MYO9A: variants seen among roughly 807,000 people sequenced by gnomAD.
MYO9A encodes the protein unconventional myosin-IXa.
In MYO9A, 103 loss-of-function variants were observed where a neutral mutation model predicts 293.3. That is an observed-to-expected ratio of 0.35 (90% CI 0.30 to 0.41). MYO9A has a LOEUF of 0.41. MYO9A is among the 10% of genes least tolerant of loss of function. The pLI is 1.00. For synonymous variants in MYO9A, 1,001 were observed against 1,035.7 expected (o/e 0.97, Z 0.64); for missense variants, 2,685 against 3,033.0 (o/e 0.89, Z 2.69).
intron 17 of MYO9A, 182 bp downstream of exon 17, chr15:71,935,159 T>C: frequency 1.7e-6 from 1 of 595,206 alleles, no homozygotes; most frequent in East Asian, 2.9e-5. Flanking sequence ...ACAAGCTTTA[T>C]AACACATGAG....
intron 18 of MYO9A, among the ~76,000 whole-genome samples, chr15:71,922,311 T>C (rs1174509587): frequency 3.3e-5 from 5 of 152,334 alleles, no homozygotes; most frequent in African/African-American, 4.8e-5. Flanking sequence ...TAGGTCACTG[T>C]ATATTTTTGG....
chr15:71,978,786 T>TC (rs992693804), intron 11 of MYO9A, among the ~76,000 whole-genome samples: 1 of 151,746 alleles, frequency 6.6e-6, no homozygotes, highest in African/African-American at 2.4e-5. Context: ...ACTTTTTTTT[T>TC]TTTTAAAGAA....
intron 6 of MYO9A, among the ~76,000 whole-genome samples, 175 bp from the exon 7 acceptor site, chr15:72,010,622 G>T (rs2077144937): frequency 6.6e-6 from 1 of 152,108 alleles, no homozygotes; most frequent in South Asian, 2.1e-4. Context: ...CTACAGGTAT[G>T]GAAACTAAAC....
intron 32 of MYO9A, among the ~76,000 whole-genome samples, chr15:71,863,970 G>A (rs997781811): frequency 7.2e-5 from 11 of 152,084 alleles, no homozygotes; most frequent in African/African-American, 2.7e-4. Context: ...AAAATCTATT[G>A]TTTTGGACTT....
At chr15:72,085,087 C>G (rs2079673223) in intron 1 of MYO9A, among the ~76,000 whole-genome samples, 2 of 152,104 alleles carry the variant, frequency 1.3e-5, no homozygotes, top group Admixed American at 1.3e-4. Flanking sequence ...TCAGCTTGAC[C>G]TATTCTGCTA....
Position 72,063,592 on chromosome 15 carries a change from GAATAGAC to G in MYO9A, c.-71-16965_-71-16959del, listed in dbSNP as rs1351536277. ...TGATTTTAAAATGGGCAAAAGACTG[GAATAGAC>G]AATGAGATATTATCTTATCACAGTT... is the stretch of plus-strand genomic sequence containing the variant. On this transcript the variant is annotated intron_variant, in intron 1 of 41. Transcript: ENST00000356056. 2.6e-5 allele frequency among the ~76,000 whole-genome samples: 4 copies of G among 152,028 alleles called. No homozygotes were observed. In the East Asian group the frequency reaches 5.8e-4, roughly 22 times the overall value.
At chr15:71,903,315 T>C (rs2057537869) in intron 21 of MYO9A, among the ~76,000 whole-genome samples, 1 of 152,088 alleles carries the variant, frequency 6.6e-6, no homozygotes, top group South Asian at 2.1e-4. Flanking sequence ...TTATCCCTTT[T>C]GAGAAAGCTT....
At position 71,845,865 on chromosome 15, in the gene MYO9A, T is replaced by C. The variant is rs560983803; in HGVS notation, c.6837+2980A>G. Among the ~76,000 whole-genome samples the C allele has an allele frequency of 2.6e-5, 4 of 152,344 alleles. No individual in the cohort carries two copies. The East Asian group carries it at 5.8e-4, about 22-fold the overall frequency. ...AAGAGTATTAGTGCAATTCTTTGAATTGCAAGCCAAATTAGCTGCTTTATT... is the reference window on the plus strand; with the variant it reads ...AAGAGTATTAGTGCAATTCTTTGAACTGCAAGCCAAATTAGCTGCTTTATT... On this transcript the variant is annotated intron_variant, in intron 39 of 41. Transcript: ENST00000356056.
chr15:72,020,885 C>A, intron 5 of MYO9A, 33 bp downstream of exon 5: 2 of 1,334,782 alleles, frequency 1.5e-6, no homozygotes, highest in Admixed American at 2.8e-5. Context: ...TAATACTGCC[C>A]TATACTTCAA....
chr15:71,945,377 G>T (rs995837743), intron 15 of MYO9A, among the ~76,000 whole-genome samples: 18 of 152,258 alleles, frequency 1.2e-4, no homozygotes, highest in Non-Finnish European at 1.9e-4. Context: ...ACCCCAGAAG[G>T]AAATTGCAGT....
intron 19 of MYO9A, among the ~76,000 whole-genome samples, chr15:71,909,109 A>G (rs1407538522): frequency 6.6e-6 from 1 of 152,206 alleles, no homozygotes; most frequent in Non-Finnish European, 1.5e-5. Context: ...TTAGTGTTGA[A>G]TAATATTCCA....
chr15:71,921,046 T>C (rs956105316), intron 18 of MYO9A, among the ~76,000 whole-genome samples: 1 of 152,114 alleles, frequency 6.6e-6, no homozygotes, highest in East Asian at 1.9e-4. Context: ...ACAAGGAAGA[T>C]ATCAAAGTAC....
chr15:71,982,452 G>A (rs1329961292), intron 11 of MYO9A, among the ~76,000 whole-genome samples: 1 of 151,858 alleles, frequency 6.6e-6, no homozygotes, highest in Non-Finnish European at 1.5e-5. Flanking sequence ...TTCGCTTTAT[G>A]GTCCAGGATA....
chr15:72,038,310 G>A (rs1458187065), intron 2 of MYO9A, among the ~76,000 whole-genome samples: 1 of 150,888 alleles, frequency 6.6e-6, no homozygotes, highest in Admixed American at 6.6e-5. Context: ...TAAAAGAGTT[G>A]AAGCTATACA....
chr15:71,895,759 A>C (rs2057306167), intron 25 of MYO9A, among the ~76,000 whole-genome samples: 1 of 152,068 alleles, frequency 6.6e-6, no homozygotes, highest in Non-Finnish European at 1.5e-5. Context: ...AAAGAAATCA[A>C]CTCAAATACA....
At chr15:72,117,229 TTGG>T (rs1164177271) in intron 1 of MYO9A, 1 of 152,096 alleles carries the variant, frequency 6.6e-6, no homozygotes, top group African/African-American at 2.4e-5. Flanking sequence ...GCTAGTCGGC[TTGG>T]TGATGAGCGA....
chr15:71,860,474 AT>A (rs980317694), intron 33 of MYO9A, among the ~76,000 whole-genome samples: 1 of 152,200 alleles, frequency 6.6e-6, no homozygotes, highest in Non-Finnish European at 1.5e-5. Context: ...AGAGGAAGGT[AT>A]TGAGAACACA....
At chr15:72,108,012 TAATA>T (rs2080635801) in intron 1 of MYO9A, among the ~76,000 whole-genome samples, 1 of 152,180 alleles carries the variant, frequency 6.6e-6, no homozygotes, top group African/African-American at 2.4e-5. Context: ...GAAGAATAAC[TAATA>T]AATGAAAAAG....
intron 9 of MYO9A, among the ~76,000 whole-genome samples, chr15:71,999,448 C>G (rs2076801337): frequency 6.6e-6 from 1 of 151,816 alleles, no homozygotes; most frequent in East Asian, 1.9e-4. Flanking sequence ...AAAATACAAG[C>G]AGAAAGAACT....
Sources: allele counts gnomAD v4.1 joint callset (sites outside exome capture counted in the v4.1 genomes callset), GRCh38; gene constraint gnomAD v4.1.1; transcripts MANE v1.5; gene names NCBI Gene and HGNC (gene_info 2026-07-23, HGNC 2026-07-21).